The following FILIP1 variants were observed in gnomAD, a reference collection of about 807,000 sequenced individuals.
FILIP1 encodes filamin A interacting protein 1, also known as filamin-A-interacting protein 1.
Under a neutral mutation model 102.1 loss-of-function variants are expected in FILIP1, and 61 were observed. The observed-to-expected ratio is 0.60, with a 90% CI of 0.49 to 0.74. The LOEUF is 0.74. FILIP1 is among the 30% of genes least tolerant of loss of function. FILIP1 has a pLI of 0.00. For missense variants in FILIP1, 1,314 were observed against 1,441.2 expected, an observed-to-expected ratio of 0.91 and a Z score of 1.43; for synonymous variants, 491 against 526.9, an observed-to-expected ratio of 0.93 and a Z score of 0.93.
Position 75,308,292 on chromosome 6 carries a change from T to A in FILIP1, c.*399A>T. ...GTCTTATTTTGTAATAGGATTTTTT[T>A]AATAAAAAATTATTGTGGAACAAGG... On this transcript the variant is annotated 3_prime_UTR_variant, in exon 6 of 6. Coordinates refer to ENST00000237172, the MANE Select transcript of FILIP1 (RefSeq NM_015687.5). 2 of 992,806 alleles carry A rather than the reference T, an allele frequency of 2.0e-6. No individual in the cohort carries two copies. Among genetic ancestry groups the A allele is most frequent in the Non-Finnish European group, 2.4e-6 (2 of 833,192 alleles). 61.5% of individuals were successfully genotyped at this position (992,806 alleles called of 1,614,324 possible).
At chr6:75,471,524 C>T (rs550941877) in intron 1 of FILIP1, among the ~76,000 whole-genome samples, 13 of 152,246 alleles carry the variant, frequency 8.5e-5, no homozygotes, top group South Asian at 2.1e-4. Flanking sequence ...TGCGCATTCA[C>T]GGATAATTTT....
At chr6:75,331,894 T>C (rs939483322) in intron 4 of FILIP1, among the ~76,000 whole-genome samples, 5 of 152,096 alleles carry the variant, frequency 3.3e-5, no homozygotes, top group African/African-American at 9.7e-5. Context: ...GGCCTTTGAT[T>C]GGTGATTAGG....
intron 4 of FILIP1, among the ~76,000 whole-genome samples, chr6:75,330,106 G>C (rs1774023231): frequency 6.6e-6 from 1 of 152,100 alleles, no homozygotes; most frequent in South Asian, 2.1e-4. Flanking sequence ...TTGAAATTTT[G>C]ATATTTTCTT....
intron 1 of FILIP1, among the ~76,000 whole-genome samples, chr6:75,445,230 T>G (rs1299577322): frequency 6.6e-6 from 1 of 152,188 alleles, no homozygotes; most frequent in African/African-American, 2.4e-5. Flanking sequence ...TCAAGATTCT[T>G]GAGTCATTTG....
rs769776078 is a variant in FILIP1, at chr6:75,312,400, T to C, written c.3432A>G (p.Ser1144=). ...CTTTGGAGCCTCTTCTACTCACCACTGACTGGGTTCCTCGAGCAGATGACG... is the reference window on the plus strand; with the variant it reads ...CTTTGGAGCCTCTTCTACTCACCACCGACTGGGTTCCTCGAGCAGATGACG... ...VTTSSARGTQ[S]VSGQDGSSQR... is the part of the protein sequence containing the mutation. Residue 1144 remains serine, a synonymous_variant, in exon 5 of 6, where the codon TCA becomes TCG. Transcript: ENST00000237172. 6.8e-6 allele frequency: 11 copies of C among 1,612,726 alleles called. No homozygotes were observed. In the Admixed American group the frequency reaches 1.8e-4, roughly 27 times the overall value.
At chr6:75,333,481 T>G (rs1444889976) in intron 4 of FILIP1, among the ~76,000 whole-genome samples, 1 of 152,114 alleles carries the variant, frequency 6.6e-6, no homozygotes, top group Non-Finnish European at 1.5e-5. Context: ...CAGAAGTTCA[T>G]CCAGTCACAT....
intron 1 of FILIP1, among the ~76,000 whole-genome samples, chr6:75,429,281 T>G (rs1777739094): frequency 6.6e-6 from 1 of 152,166 alleles, no homozygotes; most frequent in Non-Finnish European, 1.5e-5. Context: ...CAAGCCTGGA[T>G]GGCAAACAGA....
intron 4 of FILIP1, among the ~76,000 whole-genome samples, chr6:75,331,547 T>C (rs916735462): frequency 3.3e-5 from 5 of 152,320 alleles, no homozygotes; most frequent in African/African-American, 7.2e-5. Context: ...TATAGGCTAC[T>C]TGGGGACACC....
intron 1 of FILIP1, among the ~76,000 whole-genome samples, chr6:75,437,105 T>C (rs551619818): frequency 6.6e-6 from 1 of 152,290 alleles, no homozygotes; most frequent in East Asian, 1.9e-4. Context: ...AAGTGAAATA[T>C]TATGAAGACA....
At chr6:75,328,635 T>A (rs1253403691) in intron 4 of FILIP1, among the ~76,000 whole-genome samples, 1 of 152,076 alleles carries the variant, frequency 6.6e-6, no homozygotes, top group Non-Finnish European at 1.5e-5. Context: ...ATTACAGGCA[T>A]GCACCACCAC....
intron 2 of FILIP1, among the ~76,000 whole-genome samples, chr6:75,372,695 GAGAAAGAA>G (rs1327606591): frequency 3.5e-5 from 1 of 28,342 alleles, no homozygotes; most frequent in Non-Finnish European, 6.7e-5. Flanking sequence ...GAGAAAGAAA[GAGAAAGAA>G]AGAAAGAAAG....
intron 1 of FILIP1, among the ~76,000 whole-genome samples, chr6:75,442,299 G>A (rs574760098): frequency 3.3e-5 from 5 of 150,154 alleles, no homozygotes; most frequent in South Asian, 2.1e-4. Context: ...GGCTCCTCAC[G>A]TCCCAGACGA....
intron 2 of FILIP1, among the ~76,000 whole-genome samples, chr6:75,372,682 A>AAAGG (rs1775581130): frequency 1.9e-5 from 1 of 51,776 alleles, no homozygotes; most frequent in Non-Finnish European, 3.6e-5. Context: ...AGAAAGAAAG[A>AAAGG]AAGAGAAAGA....
intron 1 of FILIP1, among the ~76,000 whole-genome samples, chr6:75,450,180 G>A (rs1778578988): frequency 6.6e-6 from 1 of 152,080 alleles, no homozygotes; most frequent in African/African-American, 2.4e-5. Flanking sequence ...ATCTTGCTAT[G>A]TTGCCCAAGC....
chr6:75,319,503 C>G, intron 4 of FILIP1: 1 of 587,294 alleles, frequency 1.7e-6, no homozygotes, highest in Non-Finnish European at 3.3e-6. Flanking sequence ...TTCTCTTCAG[C>G]AGACATGGTC....
At chr6:75,466,549 A>G (rs1340990840) in intron 1 of FILIP1, among the ~76,000 whole-genome samples, 4 of 152,226 alleles carry the variant, frequency 2.6e-5, no homozygotes, top group Non-Finnish European at 4.4e-5. Context: ...CTGAATGCCT[A>G]TTCTGCACCC....
At chr6:75,329,252 T>C (rs1225818464) in intron 4 of FILIP1, among the ~76,000 whole-genome samples, 2 of 152,218 alleles carry the variant, frequency 1.3e-5, no homozygotes, top group Non-Finnish European at 2.9e-5. Context: ...TTCTTACCTC[T>C]CTTTCTTGGA....
At chr6:75,437,554 C>T (rs977439623) in intron 1 of FILIP1, among the ~76,000 whole-genome samples, 3 of 152,120 alleles carry the variant, frequency 2.0e-5, no homozygotes, top group African/African-American at 7.2e-5. Flanking sequence ...TTGATACAGT[C>T]GGGAATCTCT....
chr6:75,326,090 A>AT (rs796454934), intron 4 of FILIP1, among the ~76,000 whole-genome samples: 4,579 of 136,376 alleles, frequency 0.034, 95 homozygotes, highest in South Asian at 0.1. Context: ...AGATAGATAG[A>AT]TAGATTAGAT....
Sources: gnomAD v4.1 joint callset for allele counts (sites outside exome capture counted in the v4.1 genomes callset) on GRCh38, gnomAD v4.1.1 for gene constraint, MANE v1.5 for transcripts, NCBI Gene and HGNC (gene_info 2026-07-23, HGNC 2026-07-21) for gene names.